Variants in PIK3C2G observed in about 807,000 individuals in gnomAD.
The protein encoded by PIK3C2G is phosphatidylinositol 3-kinase C2 domain-containing subunit gamma.
A neutral mutation model predicts 181.1 loss-of-function variants in PIK3C2G; 168 were observed. The ratio of observed to expected loss-of-function variants is 0.93; its 90% CI spans 0.82 to 1.05. The LOEUF (loss-of-function observed/expected upper bound fraction) is 1.05. Ranked by LOEUF, PIK3C2G falls within the 50% of genes least tolerant of loss-of-function variation. PIK3C2G has a pLI of 0.00. For missense variants in PIK3C2G, 1,869 were observed against 1,732.8 expected, an observed-to-expected ratio of 1.08 and a Z score of -1.40; for synonymous variants, 573 against 592.2, an observed-to-expected ratio of 0.97 and a Z score of 0.47.
At chr12:18,699,825 C>G in the PIK3C2G span, 1 of 1,613,540 alleles carries the variant, frequency 6.2e-7, no homozygotes, top group East Asian at 2.2e-5. Flanking sequence ...GGGCTTGTGT[C>G]TCCCCAATAG....
rs1185291599 is a variant in PIK3C2G, at chr12:18,386,537, G to A, written c.1996-4585G>A. Among the ~76,000 whole-genome samples the A allele has an allele frequency of 2.6e-5, 4 of 152,222 alleles. No individual in the cohort carries two copies. In the East Asian group the frequency reaches 5.8e-4, roughly 22 times the overall value. ...TTTCATTTAAATGGAATCATACAATGTGTGATCTTATTTGTGGCCAGCTTC... is the reference window on the plus strand; with the variant it reads ...TTTCATTTAAATGGAATCATACAATATGTGATCTTATTTGTGGCCAGCTTC... On this transcript the variant is annotated intron_variant, in intron 14 of 32. Transcript: ENST00000538779.
chr12:18,356,121 T>C (rs73064575), intron 11 of PIK3C2G, among the ~76,000 whole-genome samples: 16,070 of 152,152 alleles, frequency 0.11, 1,192 homozygotes, highest in Admixed American at 0.25. Context: ...AGAGCCAACA[T>C]TCCTTTTACC....
chr12:18,588,613 A>G (rs1231357417), intron 29 of PIK3C2G, among the ~76,000 whole-genome samples: 3 of 152,152 alleles, frequency 2.0e-5, no homozygotes, highest in African/African-American at 7.2e-5. Flanking sequence ...GAGGTTATGG[A>G]GAAAAAGGAA....
intron 18 of PIK3C2G, among the ~76,000 whole-genome samples, chr12:18,472,848 C>T (rs371733646): frequency 3.4e-4 from 52 of 152,082 alleles, no homozygotes; most frequent in East Asian, 2.5e-3. Context: ...GACAGGCACC[C>T]GCCACCACGC....
At position 18,292,230 on chromosome 12, in the gene PIK3C2G, AT is replaced by A. The variant is rs1414284073; in HGVS notation, c.919+1219del. ...CATCTCAAAAAAAAAAAAAAAAAAT[AT>A]ATATATATATATATATATATATATG... On this transcript the variant is annotated intron_variant, in intron 4 of 32. Transcript: ENST00000538779. Among the ~76,000 whole-genome samples, 251 of 98,270 alleles carry A rather than the reference AT, an allele frequency of 2.6e-3. 4 individuals are homozygous for A. The highest frequency in any genetic ancestry group is 7.5e-3 in the African/African-American group (193 of 25,598). 64.5% of individuals were successfully genotyped at this position (98,270 alleles called of 152,430 possible).
intron 18 of PIK3C2G, among the ~76,000 whole-genome samples, chr12:18,464,525 T>C (rs764786178): frequency 1.2e-4 from 18 of 152,096 alleles, no homozygotes; most frequent in Non-Finnish European, 2.2e-4. Context: ...AATAGGAACT[T>C]TGACAACTCC....
chr12:18,613,259 TAACC>T (rs1443770972), intron 31 of PIK3C2G, among the ~76,000 whole-genome samples: 1 of 151,986 alleles, frequency 6.6e-6, no homozygotes, highest in African/African-American at 2.4e-5. Context: ...GTGCTAAACA[TAACC>T]AATAGGATGA....
At chr12:18,298,572 T>C (rs1333732918) in intron 5 of PIK3C2G, among the ~76,000 whole-genome samples, 1 of 151,976 alleles carries the variant, frequency 6.6e-6, no homozygotes, top group Non-Finnish European at 1.5e-5. Context: ...TTGTGTATTT[T>C]TGTTTTTGTT....
chr12:18,464,517 TA>T (rs1434869818), intron 18 of PIK3C2G, among the ~76,000 whole-genome samples: 1 of 152,098 alleles, frequency 6.6e-6, no homozygotes, highest in Non-Finnish European at 1.5e-5. Context: ...GGCATCAAAA[TA>T]GGAACTTTGA....
rs545839642 is a variant in PIK3C2G at position 18,593,761 on chromosome 12, A to G, written c.4012-733A>G. On this transcript the variant is annotated intron_variant, in intron 29 of 32. Coordinates refer to ENST00000538779, the MANE Select transcript of PIK3C2G (RefSeq NM_001288772.2). The stretch of plus-strand genomic sequence containing the variant: ...TAAATGTCAATTTGTGATTATCACT[A>G]TTTAAAAGAGAAGCATGCATCTCTG... 6.6e-5 allele frequency among the ~76,000 whole-genome samples: 10 copies of G among 152,040 alleles called. No individual in the cohort carries two copies. The South Asian group carries it at 1.2e-3, about 19-fold the overall frequency.
chr12:18,546,286 T>A, intron 25 of PIK3C2G, 37 bp from the exon 26 acceptor site: 1 of 1,200,146 alleles, frequency 8.3e-7, no homozygotes, highest in Non-Finnish European at 1.2e-6. Context: ...ATTTATTCTG[T>A]CTTCTTTTTG....
chr12:18,396,520 GA>G (rs573944724), intron 15 of PIK3C2G, among the ~76,000 whole-genome samples: 1 of 148,938 alleles, frequency 6.7e-6, no homozygotes, highest in East Asian at 2.0e-4. Flanking sequence ...CACACAATGT[GA>G]AAAAAAAATT....
chr12:18,553,261 T>C (rs556203728), intron 26 of PIK3C2G, among the ~76,000 whole-genome samples: 1 of 152,308 alleles, frequency 6.6e-6, no homozygotes, highest in Admixed American at 6.5e-5. Flanking sequence ...AGATTTATTT[T>C]TTTTGCTTTG....
At chr12:18,398,238 A>T (rs1944010238) in intron 15 of PIK3C2G, among the ~76,000 whole-genome samples, 1 of 152,186 alleles carries the variant, frequency 6.6e-6, no homozygotes, top group Non-Finnish European at 1.5e-5. Flanking sequence ...TTGCTTTAAC[A>T]AAAAGAGCTA....
At chr12:18,273,756 T>C (rs1227095899) in intron 1 of PIK3C2G, among the ~76,000 whole-genome samples, 4 of 152,180 alleles carry the variant, frequency 2.6e-5, no homozygotes, top group Non-Finnish European at 5.9e-5. Context: ...AAGGACTCCA[T>C]GTCTAAAACA....
At chr12:18,297,935 A>G (rs1427796023) in intron 5 of PIK3C2G, among the ~76,000 whole-genome samples, 4 of 152,016 alleles carry the variant, frequency 2.6e-5, no homozygotes, top group Non-Finnish European at 5.9e-5. Context: ...ATTGATGAAT[A>G]CTTAGGTTGA....
chr12:18,706,855 T>G, the PIK3C2G span, among the ~76,000 whole-genome samples: 2 of 152,224 alleles, frequency 1.3e-5, no homozygotes, highest in Non-Finnish European at 1.5e-5. Flanking sequence ...CAACATTTAT[T>G]CTCTCACTGT....
chr12:18,351,917 C>T (rs891897619), intron 11 of PIK3C2G, among the ~76,000 whole-genome samples: 2 of 152,180 alleles, frequency 1.3e-5, no homozygotes, highest in Non-Finnish European at 2.9e-5. Flanking sequence ...GAGCAATAGG[C>T]TATCCCGTAT....
the PIK3C2G span, among the ~76,000 whole-genome samples, chr12:18,706,991 C>T: frequency 3.4e-4 from 52 of 152,208 alleles, no homozygotes; most frequent in African/African-American, 1.2e-3. Context: ...TGGCTGCCCA[C>T]ATTCCTTGGC....
Sources: gnomAD v4.1 joint callset for allele counts (sites outside exome capture counted in the v4.1 genomes callset) on GRCh38, gnomAD v4.1.1 for gene constraint, MANE v1.5 for transcripts, NCBI Gene and HGNC (gene_info 2026-07-23, HGNC 2026-07-21) for gene names.